CADM2: variants seen among roughly 807,000 people sequenced by gnomAD.
CADM2 encodes the protein cell adhesion molecule 2, also known as immunoglobulin superfamily member 4D.
CADM2 carries 12 observed loss-of-function variants against 49.8 expected under a neutral mutation model. The ratio of observed to expected loss-of-function variants is 0.24; its 90% CI spans 0.15 to 0.39. CADM2 has a LOEUF of 0.39. Among genes scored for constraint, CADM2 ranks in the 10% least tolerant of loss-of-function variants. The pLI, the probability that CADM2 is intolerant of heterozygous loss-of-function variation, is 1.00. For missense variants in CADM2, 378 were observed against 492.3 expected, an observed-to-expected ratio of 0.77 and a Z score of 2.20; for synonymous variants, 214 against 175.4, an observed-to-expected ratio of 1.22 and a Z score of -1.74.
At chr3:85,452,783 C>T (rs2037810558) in intron 1 of CADM2, among the ~76,000 whole-genome samples, 1 of 152,294 alleles carries the variant, frequency 6.6e-6, no homozygotes, top group East Asian at 1.9e-4. Flanking sequence ...GTGTTCTCTT[C>T]TTTAAACAAT....
intron 6 of CADM2, among the ~76,000 whole-genome samples, chr3:85,930,989 C>T (rs1385041822): frequency 6.6e-6 from 1 of 150,780 alleles, no homozygotes; most frequent in Non-Finnish European, 1.5e-5. Context: ...TGTTAATGTA[C>T]CTTCTAAACA....
intron 8 of CADM2, among the ~76,000 whole-genome samples, chr3:86,010,834 TAATC>T (rs1731416874): frequency 6.6e-6 from 1 of 151,552 alleles, no homozygotes; most frequent in East Asian, 1.9e-4. Flanking sequence ...TATGCACAAA[TAATC>T]AAGAAATTAA....
chr3:85,869,905 C>T (rs2075858620), intron 3 of CADM2, among the ~76,000 whole-genome samples: 2 of 152,166 alleles, frequency 1.3e-5, no homozygotes, highest in South Asian at 4.1e-4. Context: ...TCGTGATCCT[C>T]CCGCCTTGGC....
chr3:85,894,502 A>C (rs916530092), intron 5 of CADM2, among the ~76,000 whole-genome samples: 4 of 152,186 alleles, frequency 2.6e-5, no homozygotes, highest in Admixed American at 6.5e-5. Flanking sequence ...ATAAAAAAAA[A>C]ACCCCATTTT....
At chr3:85,095,247 G>A (rs368642781) in intron 1 of CADM2, among the ~76,000 whole-genome samples, 5 of 152,160 alleles carry the variant, frequency 3.3e-5, no homozygotes, top group African/African-American at 4.8e-5. Flanking sequence ...TTTTGCCCCC[G>A]CAGTCATTAG....
At chr3:85,363,225 G>A (rs372661012) in intron 1 of CADM2, among the ~76,000 whole-genome samples, 1 of 152,072 alleles carries the variant, frequency 6.6e-6, no homozygotes, top group Non-Finnish European at 1.5e-5. Flanking sequence ...TTTTACATAT[G>A]GTCATTTCAT....
In CADM2 at chr3:85,653,651, G is replaced by A. The variant is rs548229110; in HGVS notation, c.62-72871G>A. 3.9e-5 allele frequency among the ~76,000 whole-genome samples: 6 copies of A among 152,156 alleles called. No homozygotes were observed. The South Asian group carries it at 1.2e-3, about 32-fold the overall frequency. Reference sequence around the variant, plus strand: ...AAGATGTTGAATATATAAGTCGGGAGTTCAGGGAATGGGTCATTACTGGAG... The same window carrying A: ...AAGATGTTGAATATATAAGTCGGGAATTCAGGGAATGGGTCATTACTGGAG... On this transcript the variant is annotated intron_variant, in intron 1 of 9. Transcript: ENST00000383699.
chr3:85,354,808 G>GAGTA (rs2031715180), intron 1 of CADM2, among the ~76,000 whole-genome samples: 1 of 152,112 alleles, frequency 6.6e-6, no homozygotes, highest in Non-Finnish European at 1.5e-5. Flanking sequence ...CAGAAGACAA[G>GAGTA]AGTAAGCATT....
intron 2 of CADM2, among the ~76,000 whole-genome samples, chr3:85,791,473 T>C (rs2071318668): frequency 6.9e-6 from 1 of 145,518 alleles, no homozygotes; most frequent in Admixed American, 7.1e-5. Flanking sequence ...TTTGTATAAA[T>C]ACCCCTTACC....
intron 8 of CADM2, among the ~76,000 whole-genome samples, chr3:86,029,470 G>A (rs1468466443): frequency 6.6e-6 from 1 of 151,982 alleles, no homozygotes; most frequent in African/African-American, 2.4e-5. Context: ...GGGGGAAAAG[G>A]TGAGAAGTAG....
intron 1 of CADM2, among the ~76,000 whole-genome samples, chr3:85,539,860 T>C (rs17457454): frequency 0.51 from 77,816 of 151,890 alleles, 23,024 homozygotes; most frequent in East Asian, 0.85. Flanking sequence ...AGGATTTCAA[T>C]TTTTTAAATA....
intron 1 of CADM2, among the ~76,000 whole-genome samples, chr3:85,138,519 GA>G (rs1452228992): frequency 1.3e-5 from 2 of 152,170 alleles, no homozygotes; most frequent in African/African-American, 4.8e-5. Context: ...TAATATCTAA[GA>G]AGGTATTTTT....
intron 1 of CADM2, among the ~76,000 whole-genome samples, chr3:85,608,669 T>C (rs929750650): frequency 1.3e-5 from 2 of 152,176 alleles, no homozygotes; most frequent in East Asian, 1.9e-4. Flanking sequence ...CTTCAAGGCT[T>C]ATTTTATGCT....
chr3:85,212,616 T>C (rs1202041094), intron 1 of CADM2, among the ~76,000 whole-genome samples: 3 of 152,088 alleles, frequency 2.0e-5, no homozygotes, highest in African/African-American at 4.8e-5. Context: ...CTAAATTTTC[T>C]GTTGCATCTA....
At chr3:85,282,037 A>G (rs1428172095) in intron 1 of CADM2, among the ~76,000 whole-genome samples, 1 of 152,094 alleles carries the variant, frequency 6.6e-6, no homozygotes, top group Admixed American at 6.6e-5. Context: ...ATTAAACTAC[A>G]TATTCTTCAA....
At chr3:85,685,576 A>G in intron 1 of CADM2, among the ~76,000 whole-genome samples, 1 of 151,018 alleles carries the variant, frequency 6.6e-6, no homozygotes. Context: ...TAATTTAAAT[A>G]CACTGTACAA....
At position 84,959,809 on chromosome 3, in the gene CADM2, C is replaced by T. The variant is rs1184283898; in HGVS notation, c.61+141C>T. The T allele has an allele frequency of 5.8e-5, 46 of 787,770 alleles. No individual in the cohort carries two copies. The Admixed American group carries it at 9.6e-4, about 17-fold the overall frequency. The allele number at this position is 787,770 out of a possible 1,614,324, so 48.8% of individuals were successfully genotyped here. ...CCCCTCCCCCTACTCTCTGGTGCGG[C>T]AGGGGGCAGTGGCAGTTTGCACCAG... On this transcript the variant is annotated intron_variant, in intron 1 of 9. Transcript: ENST00000383699.
chr3:85,825,160 AAAC>A (rs1434482404), intron 3 of CADM2, among the ~76,000 whole-genome samples: 2 of 152,114 alleles, frequency 1.3e-5, no homozygotes, highest in Non-Finnish European at 2.9e-5. Flanking sequence ...GAACAGCATA[AAAC>A]TGATAAGCAT....
intron 1 of CADM2, among the ~76,000 whole-genome samples, chr3:85,309,754 A>AT (rs2044300846): frequency 6.6e-6 from 1 of 152,164 alleles, no homozygotes; most frequent in South Asian, 2.1e-4. Context: ...ATCTCTGTAG[A>AT]TTCGCTAGGC....
Sources: allele counts gnomAD v4.1 joint callset (sites outside exome capture counted in the v4.1 genomes callset), GRCh38; gene constraint gnomAD v4.1.1; transcripts MANE v1.5; gene names NCBI Gene and HGNC (gene_info 2026-07-23, HGNC 2026-07-21).